UBTD2: variants seen among roughly 807,000 people sequenced by gnomAD.
The protein encoded by UBTD2 is ubiquitin domain-containing protein 2.
Under a neutral mutation model 19.8 loss-of-function variants are expected in UBTD2, and 9 were observed. The observed-to-expected ratio is 0.46, with a 90% CI of 0.27 to 0.79. The LOEUF (loss-of-function observed/expected upper bound fraction) is 0.79. Among genes scored for constraint, UBTD2 ranks in the 30% least tolerant of loss-of-function variants. UBTD2 has a pLI of 0.14. For missense variants in UBTD2, 250 were observed against 300.4 expected (o/e 0.83, Z 1.24); for synonymous variants, 98 against 103.9 (o/e 0.94, Z 0.35).
rs1309334792 is a variant in UBTD2 at position 172,211,800 on chromosome 5, G to C, written c.*30C>G. ...ACAAGAACCATAAAAAGGAGCAGAG[G>C]GATGTGGGAGCTGGCCAACAGGGCT... On this transcript the variant is annotated 3_prime_UTR_variant, in exon 3 of 3. Coordinates refer to ENST00000393792, the MANE Select transcript of UBTD2 (RefSeq NM_152277.3). 1 of 1,557,934 alleles carries C rather than the reference G, an allele frequency of 6.4e-7. No individual in the cohort carries two copies. The highest frequency in any genetic ancestry group is 8.7e-7 in the Non-Finnish European group (1 of 1,151,386).
At chr5:172,278,911 A>G (rs1262213594) in intron 1 of UBTD2, among the ~76,000 whole-genome samples, 1 of 152,064 alleles carries the variant, frequency 6.6e-6, no homozygotes, top group African/African-American at 2.4e-5. Context: ...AATAGCTGGG[A>G]TTACAGGCAC....
intron 1 of UBTD2, among the ~76,000 whole-genome samples, chr5:172,249,005 TAGAA>T (rs1754937224): frequency 6.6e-6 from 1 of 151,544 alleles, no homozygotes; most frequent in Non-Finnish European, 1.5e-5. Context: ...TTCAACAAAA[TAGAA>T]AGACTTTTAG....
chr5:172,243,465 T>C (rs947674301), intron 1 of UBTD2, among the ~76,000 whole-genome samples: 1 of 150,776 alleles, frequency 6.6e-6, no homozygotes, highest in Non-Finnish European at 1.5e-5. Context: ...GATAACTGTA[T>C]GTAAAACAGG....
At chr5:172,229,267 G>A (rs530818439) in intron 2 of UBTD2, among the ~76,000 whole-genome samples, 10 of 152,124 alleles carry the variant, frequency 6.6e-5, no homozygotes, top group Admixed American at 1.3e-4. Context: ...TTGGGAGGCC[G>A]AGGCGGGTGG....
intron 2 of UBTD2, among the ~76,000 whole-genome samples, chr5:172,228,390 G>A (rs1338595970): frequency 6.6e-6 from 1 of 152,114 alleles, no homozygotes; most frequent in African/African-American, 2.4e-5. Flanking sequence ...GGGGACTGTT[G>A]TAGGTGATTA....
chr5:172,269,211 G>A (rs892689156), intron 1 of UBTD2, among the ~76,000 whole-genome samples: 2 of 152,020 alleles, frequency 1.3e-5, no homozygotes, highest in Non-Finnish European at 2.9e-5. Flanking sequence ...AAGTTTGGGC[G>A]GGGCGGGGTG....
In UBTD2 at chr5:172,283,698, G is replaced by A. The variant is rs955777779; in HGVS notation, c.-33C>T. 2.8e-5 allele frequency: 34 copies of A among 1,217,116 alleles called. No individual in the cohort carries two copies. Among genetic ancestry groups the A allele is most frequent in the Non-Finnish European group, 3.4e-5 (33 of 976,588 alleles). The allele number at this position is 1,217,116 out of a possible 1,614,324, so 75.4% of individuals were successfully genotyped here. A position where few individuals can be genotyped will look rare whatever the true frequency, so the allele number is the denominator to read the frequency against. Reference sequence around the variant, plus strand: ...CCCGGCGCCTCGTCCGCCACCTCCGGACGCTCGTCCGGGCCCGCCGCCGCC... The same window carrying A: ...CCCGGCGCCTCGTCCGCCACCTCCGAACGCTCGTCCGGGCCCGCCGCCGCC... On this transcript the variant is annotated 5_prime_UTR_variant, in exon 1 of 3. Transcript: ENST00000393792. This position sits in a 1 kb window ranked among gnomAD's most constrained non-coding sequence, Gnocchi z 4.3.
chr5:172,223,413 A>G (rs1771690587), intron 2 of UBTD2, among the ~76,000 whole-genome samples: 1 of 151,740 alleles, frequency 6.6e-6, no homozygotes, highest in Admixed American at 6.6e-5. Flanking sequence ...GACCAGCCTA[A>G]CATGGTGAAA....
At chr5:172,251,314 CAAA>C (rs57577423) in intron 1 of UBTD2, among the ~76,000 whole-genome samples, 1 of 118,212 alleles carries the variant, frequency 8.5e-6, no homozygotes. Flanking sequence ...GAGCCTATCT[CAAA>C]AAAAAAAAAG....
rs1167349727 is a variant in UBTD2, at chr5:172,283,222, C to T, written c.70+374G>A. Among the ~76,000 whole-genome samples the T allele has an allele frequency of 6.6e-5, 10 of 152,156 alleles. No homozygotes were observed. Among genetic ancestry groups the T allele is most frequent in the Non-Finnish European group, 1.3e-4 (9 of 68,012 alleles). On this transcript the variant is annotated intron_variant, in intron 1 of 2. Coordinates refer to ENST00000393792, the MANE Select transcript of UBTD2 (RefSeq NM_152277.3). This position sits in a 1 kb window ranked among gnomAD's most constrained non-coding sequence, Gnocchi z 4.3. The stretch of plus-strand genomic sequence containing the variant: ...CGTCGGAGGGAACGCATCAAGCTCC[C>T]TCCCCCCGCCATCAATTCGCTTTTC...
chr5:172,215,878 T>G (rs1314717511), intron 2 of UBTD2, among the ~76,000 whole-genome samples: 2 of 151,942 alleles, frequency 1.3e-5, no homozygotes, highest in Admixed American at 6.6e-5. Context: ...TCAGTAAAAA[T>G]CTCTAAAACT....
chr5:172,279,193 A>C (rs1755664767), intron 1 of UBTD2, among the ~76,000 whole-genome samples: 1 of 152,242 alleles, frequency 6.6e-6, no homozygotes. Flanking sequence ...ATGATGAGCA[A>C]GTTATTAAAG....
intron 1 of UBTD2, chr5:172,255,127 G>T: frequency 2.1e-6 from 1 of 466,442 alleles, no homozygotes; most frequent in South Asian, 1.9e-5. Flanking sequence ...TATTTTCATT[G>T]GTGGGCTGGA....
chr5:172,250,139 C>A (rs530703596), intron 1 of UBTD2, among the ~76,000 whole-genome samples: 3 of 152,138 alleles, frequency 2.0e-5, no homozygotes, highest in African/African-American at 7.2e-5. Context: ...AGGAGAGTCA[C>A]TTGAACCTGG....
Position 172,283,754 on chromosome 5 carries a change from G to A in UBTD2, c.-89C>T, listed in dbSNP as rs1755775690. On this transcript the variant is annotated 5_prime_UTR_variant, in exon 1 of 3. Coordinates refer to ENST00000393792, the MANE Select transcript of UBTD2 (RefSeq NM_152277.3). This position sits in a 1 kb window ranked among gnomAD's most constrained non-coding sequence, Gnocchi z 4.3. ...TGCAGCCTCCTCCGGCGCCACCGCC[G>A]AGCTCCGGACAGGCGCGCCGCTCCG... The A allele has an allele frequency of 6.1e-6, 6 of 978,530 alleles. No individual in the cohort carries two copies. Among genetic ancestry groups the A allele is most frequent in the Non-Finnish European group, 7.6e-6 (6 of 785,494 alleles). The allele number at this position is 978,530 out of a possible 1,614,324, so 60.6% of individuals were successfully genotyped here.
chr5:172,269,834 T>C (rs917868442), intron 1 of UBTD2, among the ~76,000 whole-genome samples: 2 of 151,366 alleles, frequency 1.3e-5, no homozygotes, highest in African/African-American at 4.9e-5. Context: ...TCCCAGCACT[T>C]TGGGAGGCCG....
At position 172,283,509 on chromosome 5, in the gene UBTD2, C is replaced by T. The variant is rs1755767609; in HGVS notation, c.70+87G>A. ...GGGGATGACAAAGGGGCGCGGGGGC[C>T]CGGCGCGGCCCGCGGGGGTCGGGAC... is the stretch of plus-strand genomic sequence containing the variant. On this transcript the variant is annotated intron_variant, in intron 1 of 2. Coordinates refer to ENST00000393792, the MANE Select transcript of UBTD2 (RefSeq NM_152277.3). The surrounding 1 kb of genome is among the most constrained non-coding windows in gnomAD (Gnocchi z 4.3). 3 of 1,082,512 alleles carry T rather than the reference C, an allele frequency of 2.8e-6. No homozygotes were observed. Among genetic ancestry groups the T allele is most frequent in the Non-Finnish European group, 1.2e-6 (1 of 848,744 alleles). The allele number at this position is 1,082,512 out of a possible 1,614,324, so 67.1% of individuals were successfully genotyped here.
chr5:172,236,155 C>T (rs189195713), intron 1 of UBTD2, among the ~76,000 whole-genome samples: 1 of 152,342 alleles, frequency 6.6e-6, no homozygotes, highest in African/African-American at 2.4e-5. Flanking sequence ...GTCCTCTCCC[C>T]TCAGGGTGGC....
At chr5:172,267,669 T>C (rs1045334847) in intron 1 of UBTD2, among the ~76,000 whole-genome samples, 6 of 152,240 alleles carry the variant, frequency 3.9e-5, no homozygotes, top group African/African-American at 1.4e-4. Flanking sequence ...CAGAACTTTA[T>C]GAGACTCTAA....
Sources: gnomAD v4.1 joint callset for allele counts (sites outside exome capture counted in the v4.1 genomes callset) on GRCh38, gnomAD v4.1.1 for gene constraint, Gnocchi (gnomAD v3.1) non-coding constraint, MANE v1.5 for transcripts, NCBI Gene and HGNC (gene_info 2026-07-23, HGNC 2026-07-21) for gene names.